Variants in XCR1 observed in about 807,000 individuals in gnomAD.
The protein encoded by XCR1 is chemokine XC receptor 1.
For missense variants in XCR1, 356 were observed against 424.2 expected (o/e 0.84, Z 1.41); for synonymous variants, 187 against 188.5 (o/e 0.99, Z 0.06).
At chr3:46,056,353 A>G in intron 4 of XCR1, among the ~76,000 whole-genome samples, 1 of 152,072 alleles carries the variant, frequency 6.6e-6, no homozygotes, top group African/African-American at 2.4e-5. Flanking sequence ...TCAAGTTTTC[A>G]TTTCAATACT....
At chr3:46,056,006 C>A (rs1697843488) in intron 4 of XCR1, among the ~76,000 whole-genome samples, 1 of 152,114 alleles carries the variant, frequency 6.6e-6, no homozygotes, top group Non-Finnish European at 1.5e-5. Context: ...TCTCAGGTTT[C>A]TAGGGCTTGG....
intron 1 of XCR1, among the ~76,000 whole-genome samples, chr3:46,022,923 T>C (rs1036047588): frequency 1.5e-5 from 1 of 68,220 alleles, no homozygotes; most frequent in African/African-American, 3.0e-5. Flanking sequence ...AAAATGTAAC[T>C]AACTATTATA....
intron 5 of XCR1, among the ~76,000 whole-genome samples, chr3:46,039,111 A>G (rs571142725): frequency 6.6e-5 from 10 of 151,800 alleles, no homozygotes; most frequent in Non-Finnish European, 1.5e-4. Context: ...TTGTGGTGAA[A>G]GTTACCTAAT....
chr3:46,064,172 C>T (rs1698018066), intron 4 of XCR1, among the ~76,000 whole-genome samples: 1 of 152,116 alleles, frequency 6.6e-6, no homozygotes, highest in Admixed American at 6.5e-5. Flanking sequence ...TGTGTCTGGC[C>T]CCTAATGATT....
At chr3:46,053,408 G>T (rs1449198330) in intron 5 of XCR1, among the ~76,000 whole-genome samples, 2 of 151,080 alleles carry the variant, frequency 1.3e-5, no homozygotes, top group African/African-American at 4.9e-5. Context: ...TTCTGCCACC[G>T]AAGGAGGCGG....
In XCR1 at chr3:46,078,452, A is replaced by G. The variant is rs559439512; in HGVS notation, c.-514-1526T>C. ...TGAAGGTCTAGATTTTGCCTGAGCT[A>G]TGTTTTCCGATCCTCCCTTACTAGA... On this transcript the variant is annotated intron_variant, in intron 1 of 5. Coordinates refer to the XCR1 transcript ENST00000683768. 3.3e-5 allele frequency among the ~76,000 whole-genome samples: 5 copies of G among 152,218 alleles called. No individual in the cohort carries two copies. In the South Asian group the frequency reaches 6.2e-4, roughly 19 times the overall value.
At chr3:46,082,476 CTTTTT>C (rs61282576) in intron 1 of XCR1, among the ~76,000 whole-genome samples, 9 of 100,036 alleles carry the variant, frequency 9.0e-5, no homozygotes, top group Admixed American at 4.2e-4. Context: ...AATCAGGCTC[CTTTTT>C]TTTTTTTTTT....
At chr3:46,065,169 A>T (rs1393294852) in intron 4 of XCR1, among the ~76,000 whole-genome samples, 2 of 152,242 alleles carry the variant, frequency 1.3e-5, no homozygotes, top group African/African-American at 2.4e-5. Context: ...TCTGGGTCAC[A>T]AAATTATAAG....
intron 4 of XCR1, among the ~76,000 whole-genome samples, chr3:46,064,829 C>T (rs1846617): frequency 0.12 from 17,801 of 152,082 alleles, 3,425 homozygotes; most frequent in African/African-American, 0.4. Flanking sequence ...CAGTGGCTCA[C>T]GCCTGTAATC....
At chr3:46,023,183 A>G (rs963738748) in intron 1 of XCR1, 19 of 447,872 alleles carry the variant, frequency 4.2e-5, no homozygotes, top group Non-Finnish European at 6.3e-5. Context: ...GAGGAAGTGG[A>G]GAGATTGTTG....
chr3:46,042,737 C>A (rs1697557679), intron 5 of XCR1, among the ~76,000 whole-genome samples: 1 of 152,130 alleles, frequency 6.6e-6, no homozygotes, highest in African/African-American at 2.4e-5. Context: ...TGAATTCTAC[C>A]AAACATTTAA....
chr3:46,033,208 A>C (rs1333856341), intron 5 of XCR1, among the ~76,000 whole-genome samples: 2 of 152,172 alleles, frequency 1.3e-5, no homozygotes, highest in South Asian at 4.1e-4. Flanking sequence ...CCTAGGTATC[A>C]GAAAAAGAAG....
chr3:46,064,246 G>A (rs1330922024), intron 4 of XCR1, among the ~76,000 whole-genome samples: 7 of 152,166 alleles, frequency 4.6e-5, no homozygotes, highest in Non-Finnish European at 1.5e-5. Flanking sequence ...CAGGCACTGC[G>A]TAATTATTTG....
At chr3:46,078,330 G>C (rs1005023953) in intron 1 of XCR1, among the ~76,000 whole-genome samples, 1 of 152,134 alleles carries the variant, frequency 6.6e-6, no homozygotes, top group Non-Finnish European at 1.5e-5. Flanking sequence ...TCAGCGCCTG[G>C]CCAGCTCTGG....
chr3:46,055,291 A>G (rs1233520693), intron 4 of XCR1, among the ~76,000 whole-genome samples: 1 of 152,220 alleles, frequency 6.6e-6, no homozygotes, highest in Non-Finnish European at 1.5e-5. Flanking sequence ...TTTAAGATAG[A>G]TAAGATCTGA....
At chr3:46,045,043 A>G (rs1383915963) in intron 5 of XCR1, among the ~76,000 whole-genome samples, 4 of 152,210 alleles carry the variant, frequency 2.6e-5, no homozygotes, top group African/African-American at 9.7e-5. Flanking sequence ...ACATTACAAG[A>G]AAGGAAAAAT....
At position 46,021,076 on chromosome 3, in the gene XCR1, C is replaced by T. The variant is rs780356065; in HGVS notation, c.872G>A (p.Gly291Glu). The change falls in exon 2 of 2, where the codon GGG becomes GAG. Residue 291 changes from glycine (G) to glutamate (E), a missense_variant. Gly to Glu is a moderately conservative substitution (Grantham distance 98, BLOSUM62 -2). Coordinates refer to ENST00000309285, the MANE Select transcript of XCR1 (RefSeq NM_001024644.2). This position sits in a 1 kb window ranked among gnomAD's most constrained non-coding sequence, Gnocchi z 4.7. ...CFNPVLYVFV[G>E]VKFRTHLKHV... ...TTTCAGGTGTGTGCGGAACTTGACC[C>T]CCACGAAGACATAGAGCACCGGGTT... The T allele has an allele frequency of 3.7e-5, 59 of 1,614,112 alleles. 1 individual carries two copies. The East Asian group carries it at 1.2e-3, about 34-fold the overall frequency.
intron 1 of XCR1, among the ~76,000 whole-genome samples, chr3:46,077,257 T>G (rs1388608): frequency 0.84 from 128,257 of 152,070 alleles, 54,747 homozygotes; most frequent in East Asian, 0.99. Flanking sequence ...GCTACCCATT[T>G]CTAGTATTAC....
chr3:46,021,746 T>G lies in XCR1; in HGVS notation c.202A>C (p.Ile68Leu). 6.2e-7 allele frequency: 1 copy of G among 1,613,894 alleles called. No homozygotes were observed. ...KYESLESLTN[I>L]FILNLCLSDL... ...GAGAGGCACAGGTTGAGGATGAAGATGTTGGTGAGGGACTCCAGGCTCTCA... is the reference window on the plus strand; with the variant it reads ...GAGAGGCACAGGTTGAGGATGAAGAGGTTGGTGAGGGACTCCAGGCTCTCA... The change falls in exon 2 of 2, where the codon ATC (isoleucine) becomes CTC (leucine). Residue 68 changes from isoleucine to leucine, a missense_variant. Physicochemically the swap from Ile to Leu is conservative, Grantham distance 5 (BLOSUM62 2). Transcript: ENST00000309285. This position sits in a 1 kb window ranked among gnomAD's most constrained non-coding sequence, Gnocchi z 4.7.
Sources: allele counts gnomAD v4.1 joint callset (sites outside exome capture counted in the v4.1 genomes callset), GRCh38; gene constraint gnomAD v4.1.1; non-coding constraint Gnocchi (gnomAD v3.1); transcripts MANE v1.5; gene names NCBI Gene and HGNC (gene_info 2026-07-23, HGNC 2026-07-21).